The following CACNA1D variants were observed in gnomAD, a reference collection of about 807,000 sequenced individuals.
The protein encoded by CACNA1D is voltage-dependent L-type calcium channel subunit alpha-1D.
A neutral mutation model predicts 257.1 loss-of-function variants in CACNA1D; 55 were observed. The observed-to-expected ratio is 0.21, with a 90% CI of 0.17 to 0.27. The LOEUF (loss-of-function observed/expected upper bound fraction) is 0.27. Ranked by LOEUF, CACNA1D falls within the 10% of genes least tolerant of loss-of-function variation. The pLI is 1.00. For missense variants in CACNA1D, 1,876 were observed against 2,784.0 expected (o/e 0.67, Z 7.34); for synonymous variants, 980 against 1,014.9 (o/e 0.97, Z 0.65).
rs142364983 is a variant in CACNA1D, at chr3:53,645,333, A to C, written c.484-5446A>C. 4.3e-3 allele frequency among the ~76,000 whole-genome samples: 661 copies of C among 152,184 alleles called. 7 individuals carry two copies. Among genetic ancestry groups the C allele is most frequent in the African/African-American group, 0.015 (637 of 41,542 alleles). ...GCGTTTTAGTTAGATGCCATCCCAT[A>C]TGTTTATTTTGGCTTATGTTGCCTG... On this transcript the variant is annotated intron_variant, in intron 3 of 47. Coordinates refer to ENST00000350061, the MANE Select transcript of CACNA1D (RefSeq NM_001128840.3).
chr3:53,778,549 A>G (rs2095409927), intron 37 of CACNA1D, among the ~76,000 whole-genome samples: 1 of 152,228 alleles, frequency 6.6e-6, no homozygotes, highest in Non-Finnish European at 1.5e-5. Context: ...TGTTAATGAA[A>G]AATAAGAAGT....
chr3:53,693,077 A>G (rs939379621), intron 8 of CACNA1D, among the ~76,000 whole-genome samples: 1 of 152,178 alleles, frequency 6.6e-6, no homozygotes, highest in African/African-American at 2.4e-5. Context: ...GTGATTGTCA[A>G]ATGTTTTTCT....
chr3:53,793,807 C>T lies in CACNA1D; in HGVS notation c.4924-6442C>T, dbSNP rs904628656. 6.6e-6 allele frequency among the ~76,000 whole-genome samples: 1 copy of T among 152,212 alleles called. No individual in the cohort carries two copies. The highest frequency in any genetic ancestry group is 1.5e-5 in the Non-Finnish European group (1 of 68,038). On this transcript the variant is annotated intron_variant, in intron 40 of 47. Coordinates refer to ENST00000350061, the MANE Select transcript of CACNA1D (RefSeq NM_001128840.3). The surrounding 1 kb of genome is among the most constrained non-coding windows in gnomAD (Gnocchi z 4.1). Reference sequence around the variant, plus strand: ...ATTTGCAGTCAAACTGCAGAGACACCGCTGTCGTTTCTCTTAAAGCCTTGG... The same window carrying T: ...ATTTGCAGTCAAACTGCAGAGACACTGCTGTCGTTTCTCTTAAAGCCTTGG...
chr3:53,746,042 C>T (rs773781271), intron 25 of CACNA1D, among the ~76,000 whole-genome samples, 167 bp downstream of exon 25: 6 of 151,998 alleles, frequency 3.9e-5, no homozygotes, highest in Non-Finnish European at 5.9e-5. Context: ...GTGAAATTCA[C>T]GTAACATCAA....
At position 53,494,780 on chromosome 3, in the gene CACNA1D, G is replaced by T; in HGVS notation, c.-387G>T. 6.6e-6 allele frequency: 1 copy of T among 152,208 alleles called. No homozygotes were observed. Among genetic ancestry groups the T allele is most frequent in the South Asian group, 1.6e-4 (1 of 6,152 alleles). The allele number at this position is 152,208 out of a possible 1,614,324, so 9.4% of individuals were successfully genotyped here. A position where few individuals can be genotyped will look rare whatever the true frequency, so the allele number is the denominator to read the frequency against. On this transcript the variant is annotated 5_prime_UTR_variant, in exon 1 of 48. Coordinates refer to ENST00000350061, the MANE Select transcript of CACNA1D (RefSeq NM_001128840.3). ...GCGGGCAGACGGGCGGGCATGGGGG[G>T]AGCGCCGAGCGGCCCCGGCGGCCGG... is the stretch of plus-strand genomic sequence containing the variant.
intron 3 of CACNA1D, among the ~76,000 whole-genome samples, chr3:53,524,305 G>C (rs2091684209): frequency 6.6e-6 from 1 of 152,236 alleles, no homozygotes; most frequent in Non-Finnish European, 1.5e-5. Flanking sequence ...GCACAGAATT[G>C]TGGAAGGAAT....
chr3:53,811,592 T>C lies in CACNA1D; in HGVS notation c.*186T>C. ...CTGGTAGGAACAGGTCCCAAGCGGT[T>C]GAGCCTGGCAGAGTACCATGCGCTC... is the stretch of plus-strand genomic sequence containing the variant. On this transcript the variant is annotated 3_prime_UTR_variant, in exon 48 of 48. Transcript: ENST00000350061. The surrounding 1 kb of genome is among the most constrained non-coding windows in gnomAD (Gnocchi z 4.2). The C allele has an allele frequency of 1.8e-6, 1 of 560,624 alleles. No homozygotes were observed. Among genetic ancestry groups the C allele is most frequent in the Non-Finnish European group, 3.1e-6 (1 of 323,912 alleles). The allele number at this position is 560,624 out of a possible 1,614,324, so 34.7% of individuals were successfully genotyped here. A position where few individuals can be genotyped will look rare whatever the true frequency, so the allele number is the denominator to read the frequency against.
chr3:53,662,734 C>T (rs576312684), intron 5 of CACNA1D, among the ~76,000 whole-genome samples: 4 of 152,166 alleles, frequency 2.6e-5, no homozygotes, highest in East Asian at 1.9e-4. Flanking sequence ...TACAAAGGAG[C>T]GGAATGCAAT....
At chr3:53,804,628 C>A (rs1020687363) in intron 44 of CACNA1D, among the ~76,000 whole-genome samples, 1 of 152,214 alleles carries the variant, frequency 6.6e-6, no homozygotes, top group African/African-American at 2.4e-5. Flanking sequence ...ATGCTTCATG[C>A]ATCTTGGTGT....
intron 4 of CACNA1D, among the ~76,000 whole-genome samples, chr3:53,659,395 G>A (rs2094181218): frequency 6.6e-6 from 1 of 152,162 alleles, no homozygotes; most frequent in African/African-American, 2.4e-5. Flanking sequence ...CCCTATGAAG[G>A]TGAAGGTTGG....
chr3:53,757,190 C>A (rs2095270832), intron 29 of CACNA1D, among the ~76,000 whole-genome samples: 1 of 151,584 alleles, frequency 6.6e-6, no homozygotes, highest in Non-Finnish European at 1.5e-5. Flanking sequence ...AGTACCTTTT[C>A]CACCTGCTGG....
chr3:53,684,689 A>G (rs955134705), intron 8 of CACNA1D, among the ~76,000 whole-genome samples: 5 of 151,860 alleles, frequency 3.3e-5, no homozygotes, highest in African/African-American at 9.7e-5. Context: ...TCTCATTTCT[A>G]AATTTTCTAA....
chr3:53,494,648 G>T lies in CACNA1D; in HGVS notation c.-519G>T, dbSNP rs1188116307. ...CGGCGCGGCGCGGCGGGCGCGGAGC[G>T]AGCGGGCGGGCGAGCGCCTCCGTCC... On this transcript the variant is annotated 5_prime_UTR_variant, in exon 1 of 48. Coordinates refer to ENST00000350061, the MANE Select transcript of CACNA1D (RefSeq NM_001128840.3). The T allele has an allele frequency of 5.5e-5, 8 of 145,898 alleles. No homozygotes were observed. The highest frequency in any genetic ancestry group is 1.9e-4 in the South Asian group (1 of 5,356). 9.0% of individuals were successfully genotyped at this position (145,898 alleles called of 1,614,324 possible). A position where few individuals can be genotyped will look rare whatever the true frequency, so the allele number is the denominator to read the frequency against.
intron 3 of CACNA1D, among the ~76,000 whole-genome samples, chr3:53,520,849 C>CT (rs746194735): frequency 2.0e-4 from 26 of 133,100 alleles, no homozygotes; most frequent in Admixed American, 1.5e-4. Context: ...TTTGCAAACT[C>CT]CTTTCTTTCT....
At position 53,702,630 on chromosome 3, in the gene CACNA1D, G is replaced by T; in HGVS notation, c.1221-11G>T. The T allele has an allele frequency of 6.2e-7, 1 of 1,613,122 alleles. No homozygotes were observed. The highest frequency in any genetic ancestry group is 2.2e-5 in the East Asian group (1 of 44,880). On this transcript the variant is annotated splice_polypyrimidine_tract_variant and intron_variant, in intron 8 of 47. Transcript: ENST00000350061. The stretch of plus-strand genomic sequence containing the variant: ...GTCCTGATATGTGCTTGTCCTCTTT[G>T]CCTCCTTCAGAGAATTCTCAAAGGA...
chr3:53,538,563 G>A (rs947978567), intron 3 of CACNA1D, among the ~76,000 whole-genome samples: 2 of 152,192 alleles, frequency 1.3e-5, no homozygotes, highest in East Asian at 3.8e-4. Flanking sequence ...CATATTTACT[G>A]TGTTCTGCTG....
chr3:53,517,082 C>A (rs1333410276), intron 3 of CACNA1D, among the ~76,000 whole-genome samples: 1 of 152,192 alleles, frequency 6.6e-6, no homozygotes, highest in Non-Finnish European at 1.5e-5. Context: ...TAAATGAGAT[C>A]TGTGTGAAAG....
At chr3:53,747,781 C>CCATTCATTCATTCATT (rs3082680) in intron 26 of CACNA1D, among the ~76,000 whole-genome samples, 16 of 150,496 alleles carry the variant, frequency 1.1e-4, no homozygotes, top group African/African-American at 3.7e-4. Context: ...GTGTCCCAAA[C>CCATTCATTCATTCATT]CATTCATTCA....
intron 3 of CACNA1D, among the ~76,000 whole-genome samples, chr3:53,505,591 C>A (rs1389105166): frequency 1.3e-5 from 2 of 152,214 alleles, no homozygotes; most frequent in Non-Finnish European, 2.9e-5. Context: ...ATTCCTTCCT[C>A]TGAGCCATGT....
Sources: gnomAD v4.1 joint callset for allele counts (sites outside exome capture counted in the v4.1 genomes callset) on GRCh38, gnomAD v4.1.1 for gene constraint, Gnocchi (gnomAD v3.1) non-coding constraint, MANE v1.5 for transcripts, NCBI Gene and HGNC (gene_info 2026-07-23, HGNC 2026-07-21) for gene names.